Variants in ANKEF1 observed in about 807,000 individuals in gnomAD.
ANKEF1 encodes ankyrin repeat and EF-hand domain containing 1, also known as ankyrin repeat and EF-hand domain-containing protein 1.
Under a neutral mutation model 65.1 loss-of-function variants are expected in ANKEF1, and 43 were observed. The ratio of observed to expected loss-of-function variants is 0.66; its 90% CI spans 0.52 to 0.85. The LOEUF is 0.85. Among genes scored for constraint, ANKEF1 ranks in the 40% least tolerant of loss-of-function variants. The pLI, the probability that ANKEF1 is intolerant of heterozygous loss-of-function variation, is 0.00. For synonymous variants in ANKEF1, 316 were observed against 341.5 expected, an observed-to-expected ratio of 0.93 and a Z score of 0.82; for missense variants, 934 against 952.9, an observed-to-expected ratio of 0.98 and a Z score of 0.26.
chr20:10,051,594 C>G (rs1415332258), intron 7 of ANKEF1, 69 bp from the exon 8 acceptor site: 1 of 1,218,212 alleles, frequency 8.2e-7, no homozygotes, highest in Non-Finnish European at 1.2e-6. Flanking sequence ...TGAAATCTTA[C>G]TTTGCATTTT....
At chr20:10,055,325 C>T (rs1429375999) in intron 10 of ANKEF1, among the ~76,000 whole-genome samples, 177 bp from the exon 11 acceptor site, 2 of 152,006 alleles carry the variant, frequency 1.3e-5, no homozygotes, top group African/African-American at 4.8e-5. Context: ...CCACTAGTGT[C>T]ATATGAGAGG....
chr20:10,049,387 T>C lies in ANKEF1; in HGVS notation c.821-3T>C. ...TCATAATTAATGATGCTTTATGTTT[T>C]AGGATGTGACCTGAAATGGAAGAAT... On this transcript the variant is annotated splice_polypyrimidine_tract_variant and splice_region_variant and intron_variant, in intron 6 of 10. Transcript: ENST00000378392. 6.2e-7 allele frequency: 1 copy of C among 1,606,038 alleles called. No homozygotes were observed. Among genetic ancestry groups the C allele is most frequent in the Non-Finnish European group, 8.5e-7 (1 of 1,176,814 alleles).
In ANKEF1 at chr20:10,038,355, A is replaced by G. The variant is rs774566289; in HGVS notation, c.54A>G (p.Gln18=). The G allele has an allele frequency of 3.7e-6, 6 of 1,606,874 alleles. No individual in the cohort carries two copies. Among genetic ancestry groups the G allele is most frequent in the East Asian group, 2.2e-5 (1 of 44,722 alleles). Residue 18 remains glutamine (Q), a synonymous_variant, in exon 3 of 11, where the codon CAA becomes CAG. Transcript: ENST00000378392. ...ACTTACAGATCTACAAAGTTCTTCA[A>G]TGTGTGCGGAACAAAGACAAGAAGC... ...LENLQIYKVL[Q]CVRNKDKKQI...
chr20:10,044,945 A>G (rs1984424177), intron 5 of ANKEF1, among the ~76,000 whole-genome samples: 1 of 152,196 alleles, frequency 6.6e-6, no homozygotes, highest in South Asian at 2.1e-4. Flanking sequence ...AGATAATGAT[A>G]TACCTGAATT....
chr20:10,054,733 T>C, intron 10 of ANKEF1, 134 bp downstream of exon 10: 1 of 913,444 alleles, frequency 1.1e-6, no homozygotes, highest in Non-Finnish European at 1.6e-6. Flanking sequence ...AATGTTCTTT[T>C]GCCAGGTTCT....
At chr20:10,053,015 A>G in intron 8 of ANKEF1, 97 bp from the exon 9 acceptor site, 1 of 1,252,046 alleles carries the variant, frequency 8.0e-7, no homozygotes, top group Non-Finnish European at 1.1e-6. Flanking sequence ...CACCCTTATT[A>G]GGGCAGGCTT....
Position 10,056,108 on chromosome 20 carries a change from G to C in ANKEF1, c.*448G>C, listed in dbSNP as rs1985134221. 1 of 153,956 alleles carries C rather than the reference G, an allele frequency of 6.5e-6. No homozygotes were observed. Among genetic ancestry groups the C allele is most frequent in the Non-Finnish European group, 1.4e-5 (1 of 69,102 alleles). 9.5% of individuals were successfully genotyped at this position (153,956 alleles called of 1,614,324 possible). On this transcript the variant is annotated 3_prime_UTR_variant, in exon 11 of 11. Transcript: ENST00000378392. ...GCTGGGATTATAGGCATGAGCTACTGTGCCCAGCCTGCTTATTGAAGATAC... is the reference window on the plus strand; with the variant it reads ...GCTGGGATTATAGGCATGAGCTACTCTGCCCAGCCTGCTTATTGAAGATAC...
rs138316568 is a variant in ANKEF1, at chr20:10,054,594, C to T, written c.2167C>T (p.Arg723Trp). The T allele has an allele frequency of 6.2e-5, 100 of 1,605,518 alleles. No homozygotes were observed. The highest frequency in any genetic ancestry group is 6.9e-5 in the Admixed American group (4 of 58,130). The change falls in exon 10 of 11, where the codon CGG becomes TGG. Residue 723 changes from arginine to tryptophan, a missense_variant. By Grantham distance (101) the Arg-to-Trp change is moderately radical (BLOSUM62 -3). Coordinates refer to ENST00000378392, the MANE Select transcript of ANKEF1 (RefSeq NM_022096.6). The stretch of plus-strand genomic sequence containing the variant: ...GAAAGTGGATATCACATTTATTCCA[C>T]GGAGGGTAAGTGCTTCGAAAAGATC... ...TKKVDITFIP[R>W]RIWSPEATTA...
intron 3 of ANKEF1, among the ~76,000 whole-genome samples, chr20:10,041,446 C>T (rs1387960590): frequency 2.0e-5 from 3 of 151,958 alleles, no homozygotes; most frequent in Admixed American, 6.6e-5. Flanking sequence ...AAGATTAGTA[C>T]AATAACCCTT....
chr20:10,044,244 C>T, intron 4 of ANKEF1, 150 bp from the exon 5 acceptor site: 1 of 851,598 alleles, frequency 1.2e-6, no homozygotes, highest in South Asian at 3.3e-5. Context: ...AATTTTTCCT[C>T]TTTGTTACAT....
rs765306839 is a variant in ANKEF1, at chr20:10,049,836, A to G, written c.1267A>G (p.Lys423Glu). The change falls in exon 7 of 11, where the codon AAA (lysine) becomes GAA (glutamate). Residue 423 changes from lysine (K) to glutamate (E), a missense_variant. Transcript: ENST00000378392. ...GAAAAAGGAAAAAGGGATGGGCAAA[A>G]AAGGAAAGAAAGGGAAATTTGTCTT... ...PKKKEKGMGKKGKKGKFVLPL... is the reference protein window; with the variant it reads ...PKKKEKGMGKEGKKGKFVLPL... 1.2e-6 allele frequency: 2 copies of G among 1,614,046 alleles called. No individual in the cohort carries two copies. The highest frequency in any genetic ancestry group is 2.7e-5 in the African/African-American group (2 of 74,918).
chr20:10,049,535 T>C lies in ANKEF1; in HGVS notation c.966T>C (p.Asn322=). 6.2e-7 allele frequency: 1 copy of C among 1,614,024 alleles called. No homozygotes were observed. Among genetic ancestry groups the C allele is most frequent in the Non-Finnish European group, 8.5e-7 (1 of 1,180,004 alleles). Residue 322 remains asparagine, a synonymous_variant, in exon 7 of 11, where the codon AAT becomes AAC. Coordinates refer to ENST00000378392, the MANE Select transcript of ANKEF1 (RefSeq NM_022096.6). ...CCAGGCCAGGAGCCAAAAATCCAAA[T>C]CCACTGTGGGCCCTTAGACTGCACG... ...KLARPGAKNP[N]PLWALRLHDW...
chr20:10,054,841 T>G (rs565175879), intron 10 of ANKEF1, among the ~76,000 whole-genome samples: 1 of 152,212 alleles, frequency 6.6e-6, no homozygotes, highest in Non-Finnish European at 1.5e-5. Flanking sequence ...CCTAGAAAGG[T>G]TGAAGTCTTT....
intron 3 of ANKEF1, among the ~76,000 whole-genome samples, chr20:10,042,318 T>C (rs1255858114): frequency 6.6e-6 from 1 of 152,182 alleles, no homozygotes; most frequent in Non-Finnish European, 1.5e-5. Flanking sequence ...CAGTTTCCTT[T>C]TTCCTTGCAG....
At chr20:10,040,842 C>T (rs1040930297) in intron 3 of ANKEF1, among the ~76,000 whole-genome samples, 8 of 152,102 alleles carry the variant, frequency 5.3e-5, no homozygotes, top group African/African-American at 1.2e-4. Context: ...TCAGCCTCCT[C>T]GGGTATTATG....
In ANKEF1 at chr20:10,056,496, T is replaced by TGATTGATAGATA. The variant is rs1555773775; in HGVS notation, c.*839_*840insTGATAGATAGAT. On this transcript the variant is annotated 3_prime_UTR_variant, in exon 11 of 11. Transcript: ENST00000378392. ...GATAGATGATAGATAGATAGATAGA[T>TGATTGATAGATA]GATAGATAGATAGATAGATAGATAG... 1.4e-5 allele frequency: 2 copies of TGATTGATAGATA among 143,714 alleles called. No homozygotes were observed. Among genetic ancestry groups the TGATTGATAGATA allele is most frequent in the African/African-American group, 2.6e-5 (1 of 38,022 alleles). 8.9% of individuals were successfully genotyped at this position (143,714 alleles called of 1,614,324 possible). A position where few individuals can be genotyped will look rare whatever the true frequency, so the allele number is the denominator to read the frequency against.
At position 10,050,118 on chromosome 20, in the gene ANKEF1, C is replaced by T. The variant is rs1443880957; in HGVS notation, c.1549C>T (p.Pro517Ser). 4 of 1,614,084 alleles carry T rather than the reference C, an allele frequency of 2.5e-6. No individual in the cohort carries two copies. Among genetic ancestry groups the T allele is most frequent in the South Asian group, 2.2e-5 (2 of 91,080 alleles). ...SLKKAFESGI[P>S]VDMKDNYYKT... ...GAAAAAGGCCTTTGAATCAGGAATA[C>T]CTGTGGATATGAAGGATAATTATTA... Residue 517 changes from proline to serine, a missense_variant, in exon 7 of 11, where the codon CCT becomes TCT. Physicochemically the swap from Pro to Ser is moderately conservative, Grantham distance 74. Coordinates refer to ENST00000378392, the MANE Select transcript of ANKEF1 (RefSeq NM_022096.6).
chr20:10,047,584 C>T (rs1238914569), intron 6 of ANKEF1, among the ~76,000 whole-genome samples: 1 of 152,200 alleles, frequency 6.6e-6, no homozygotes, highest in African/African-American at 2.4e-5. Context: ...CCCTCGTCCC[C>T]CTGCTGGAGC....
chr20:10,045,569 T>G lies in ANKEF1; in HGVS notation c.697-5T>G. On this transcript the variant is annotated splice_region_variant and splice_polypyrimidine_tract_variant and intron_variant, in intron 5 of 10. Coordinates refer to ENST00000378392, the MANE Select transcript of ANKEF1 (RefSeq NM_022096.6). The stretch of plus-strand genomic sequence containing the variant: ...CCTCCACAATATCCACTATTTATTT[T>G]ACAGATATTGAAGCTTCTTTTTGCC... 6.2e-7 allele frequency: 1 copy of G among 1,613,056 alleles called. No homozygotes were observed. Among genetic ancestry groups the G allele is most frequent in the African/African-American group, 1.3e-5 (1 of 75,026 alleles).
Sources: gnomAD v4.1 joint callset for allele counts (sites outside exome capture counted in the v4.1 genomes callset) on GRCh38, gnomAD v4.1.1 for gene constraint, MANE v1.5 for transcripts, NCBI Gene and HGNC (gene_info 2026-07-23, HGNC 2026-07-21) for gene names.